Variants in CHM observed in about 807,000 individuals in gnomAD.
CHM encodes the protein rab proteins geranylgeranyltransferase component A 1.
CHM carries 10 observed loss-of-function variants against 49.0 expected under a neutral mutation model. That is an observed-to-expected ratio of 0.20 (90% CI 0.13 to 0.35). The LOEUF is 0.35. Ranked by LOEUF, CHM falls within the 10% of genes least tolerant of loss-of-function variation. CHM has a pLI of 1.00. For synonymous variants in CHM, 184 were observed against 167.5 expected, an observed-to-expected ratio of 1.10 and a Z score of -0.76; for missense variants, 455 against 478.4, an observed-to-expected ratio of 0.95 and a Z score of 0.46.
intron 2 of CHM, among the ~76,000 whole-genome samples, chrX:86,011,206 A>G (rs1933058678): frequency 9.0e-6 from 1 of 111,710 alleles, no homozygotes; most frequent in Admixed American, 9.6e-5. Context: ...ATAAACAATA[A>G]TACAGTATGA....
intron 8 of CHM, among the ~76,000 whole-genome samples, chrX:85,924,377 A>G (rs1927966069): frequency 9.0e-6 from 1 of 111,427 alleles, no homozygotes. Context: ...CCTCAGAACA[A>G]GTATAAGGTA....
At chrX:85,949,434 T>C (rs1929605440) in intron 8 of CHM, among the ~76,000 whole-genome samples, 1 of 111,624 alleles carries the variant, frequency 9.0e-6, no homozygotes. Flanking sequence ...TCATTCTGTT[T>C]CTGTTCCTTA....
At chrX:86,032,604 T>A (rs778652352) in intron 1 of CHM, among the ~76,000 whole-genome samples, 1 of 112,272 alleles carries the variant, frequency 8.9e-6, no homozygotes, top group African/African-American at 3.2e-5. Flanking sequence ...TAGAGGTTCA[T>A]CAAACATTTA....
At chrX:85,965,287 C>T (rs1930517753) in intron 4 of CHM, among the ~76,000 whole-genome samples, 1 of 112,310 alleles carries the variant, frequency 8.9e-6, no homozygotes, top group African/African-American at 3.2e-5. Context: ...AATTTAACTT[C>T]CAATTAGTCT....
intron 2 of CHM, among the ~76,000 whole-genome samples, chrX:85,992,748 AT>A (rs777068902): frequency 8.9e-6 from 1 of 112,027 alleles, no homozygotes; most frequent in East Asian, 2.8e-4. Context: ...GTGTATATAT[AT>A]TTCTCACGTA....
chrX:85,962,498 G>T (rs1024393551), intron 5 of CHM, among the ~76,000 whole-genome samples: 3 of 112,194 alleles, frequency 2.7e-5, no homozygotes, highest in Non-Finnish European at 5.6e-5. Context: ...GCAAGAGTAT[G>T]AGGATATGGG....
At chrX:85,950,626 G>C (rs1427400260) in intron 8 of CHM, among the ~76,000 whole-genome samples, 3 of 110,603 alleles carry the variant, frequency 2.7e-5, no homozygotes, top group Non-Finnish European at 3.8e-5. Flanking sequence ...AGAAAAGGAA[G>C]AAAAAACAAT....
Position 85,862,473 on chromosome X carries a change from G to A in CHM, c.*2157C>T, listed in dbSNP as rs1271693028. Reference sequence around the variant, plus strand: ...CAATATCCGGTACATTAATAAGTATGTATTAGACATTGAGTGCATATGCCC... The same window carrying A: ...CAATATCCGGTACATTAATAAGTATATATTAGACATTGAGTGCATATGCCC... On this transcript the variant is annotated 3_prime_UTR_variant, in exon 15 of 15. Coordinates refer to ENST00000357749, the MANE Select transcript of CHM (RefSeq NM_000390.4). The A allele has an allele frequency of 1.8e-5, 2 of 112,353 alleles. No homozygotes were observed. Among genetic ancestry groups the A allele is most frequent in the Non-Finnish European group, 3.8e-5 (2 of 53,231 alleles). 9.3% of individuals were successfully genotyped at this position (112,353 alleles called of 1,213,427 possible). A position where few individuals can be genotyped will look rare whatever the true frequency, so the allele number is the denominator to read the frequency against.
chrX:85,905,727 AACAGCAGGTACAGAG>A (rs1452507777), intron 9 of CHM, among the ~76,000 whole-genome samples: 6 of 111,471 alleles, frequency 5.4e-5, no homozygotes, highest in Non-Finnish European at 1.1e-4. Flanking sequence ...CAAGTAAGAG[AACAGCAGGTACAGAG>A]ACCCATGAAC....
At chrX:85,973,027 G>A (rs750269120) in intron 4 of CHM, among the ~76,000 whole-genome samples, 10 of 110,840 alleles carry the variant, frequency 9.0e-5, no homozygotes, top group South Asian at 3.8e-4. Context: ...TAGGCCGGGC[G>A]CGGTGGCTCA....
chrX:86,001,851 A>G (rs759108755), intron 2 of CHM, among the ~76,000 whole-genome samples: 5 of 111,344 alleles, frequency 4.5e-5, no homozygotes, highest in African/African-American at 1.6e-4. Context: ...AGTTGTTGTT[A>G]AAGTGTTGTT....
intron 4 of CHM, chrX:85,969,467 C>A (rs1471817330): frequency 1.4e-6 from 1 of 706,407 alleles, no homozygotes; most frequent in Non-Finnish European, 1.7e-6. Flanking sequence ...GAAACTATTA[C>A]ATGGTAAGAA....
intron 4 of CHM, chrX:85,970,690 T>C (rs758660218): frequency 1.5e-4 from 19 of 124,610 alleles, no homozygotes; most frequent in Non-Finnish European, 2.8e-4. Flanking sequence ...AAAGATAATA[T>C]CCAATAAACA....
chrX:85,918,788 A>G (rs952577632), intron 8 of CHM, among the ~76,000 whole-genome samples: 1 of 112,059 alleles, frequency 8.9e-6, no homozygotes, highest in Non-Finnish European at 1.9e-5. Flanking sequence ...AAGACAAAGA[A>G]GGGCATTACA....
chrX:85,890,009 G>A (rs1925341468), intron 12 of CHM, among the ~76,000 whole-genome samples: 1 of 111,078 alleles, frequency 9.0e-6, no homozygotes, highest in Non-Finnish European at 1.9e-5. Flanking sequence ...TACACAAGGA[G>A]ATACAGATGG....
intron 1 of CHM, among the ~76,000 whole-genome samples, chrX:86,028,180 T>C (rs1422670766): frequency 8.9e-6 from 1 of 112,577 alleles, no homozygotes; most frequent in Non-Finnish European, 1.9e-5. Flanking sequence ...TACTATATAT[T>C]GTTCAGTTAA....
At chrX:85,871,205 G>T (rs1035864586) in intron 14 of CHM, among the ~76,000 whole-genome samples, 1 of 101,348 alleles carries the variant, frequency 9.9e-6, no homozygotes, top group African/African-American at 3.6e-5. Context: ...TACCTGGGAG[G>T]CTGAGGCAGG....
chrX:86,013,918 T>C (rs966597020), intron 2 of CHM, among the ~76,000 whole-genome samples: 1 of 111,782 alleles, frequency 8.9e-6, no homozygotes, highest in Non-Finnish European at 1.9e-5. Flanking sequence ...GCAATGTTTA[T>C]AAAGGGCCAG....
In CHM at chrX:86,041,726, GTATATATATATA is replaced by G. The variant is rs3078104; in HGVS notation, c.49+5746_49+5757del. Reference sequence around the variant, plus strand: ...TATATGTTATATATATGGTGTGTGTGTATATATATATATATATATATATATATATATACATAT... The same window carrying G: ...TATATGTTATATATATGGTGTGTGTGTATATATATATATATATATACATAT... On this transcript the variant is annotated intron_variant, in intron 1 of 14. Transcript: ENST00000357749. Among the ~76,000 whole-genome samples, 376 of 83,715 alleles carry G rather than the reference GTATATATATATA, an allele frequency of 4.5e-3. 1 individual carries two copies. Among genetic ancestry groups the G allele is most frequent in the Middle Eastern group, 0.024 (4 of 164 alleles). The allele number at this position is 83,715 out of a possible 115,157, so 72.7% of individuals were successfully genotyped here.
Sources: gnomAD v4.1 joint callset for allele counts (sites outside exome capture counted in the v4.1 genomes callset) on GRCh38, gnomAD v4.1.1 for gene constraint, MANE v1.5 for transcripts, NCBI Gene and HGNC (gene_info 2026-07-23, HGNC 2026-07-21) for gene names.